Variants in PRDM4 observed in about 807,000 individuals in gnomAD.
The protein encoded by PRDM4 is PR domain zinc finger protein 4.
A neutral mutation model predicts 62.3 loss-of-function variants in PRDM4; 38 were observed. That is an observed-to-expected ratio of 0.61 (90% CI 0.47 to 0.80). PRDM4 has a LOEUF of 0.80. Among genes scored for constraint, PRDM4 ranks in the 30% least tolerant of loss-of-function variants. PRDM4 has a pLI of 0.00. For missense variants in PRDM4, 858 were observed against 997.1 expected (o/e 0.86, Z 1.88); for synonymous variants, 339 against 348.2 (o/e 0.97, Z 0.30).
At chr12:107,746,811 C>T (rs930752110) in intron 5 of PRDM4, among the ~76,000 whole-genome samples, 2 of 152,104 alleles carry the variant, frequency 1.3e-5, no homozygotes, top group Non-Finnish European at 2.9e-5. Context: ...ATGCTAATTA[C>T]TAAAATGTAT....
chr12:107,755,943 G>A (rs1891051927), intron 3 of PRDM4, among the ~76,000 whole-genome samples: 3 of 152,166 alleles, frequency 2.0e-5, no homozygotes, highest in Admixed American at 2.0e-4. Context: ...AAAATTAGTT[G>A]AGCATGGTGG....
chr12:107,746,198 T>C (rs1196355387), intron 6 of PRDM4, 77 bp downstream of exon 6: 1 of 1,532,858 alleles, frequency 6.5e-7, no homozygotes. Context: ...TACTAAATTA[T>C]ACACATCCAC....
chr12:107,744,129 A>C (rs932104568), intron 7 of PRDM4, among the ~76,000 whole-genome samples: 22 of 152,154 alleles, frequency 1.4e-4, no homozygotes, highest in African/African-American at 5.3e-4. Flanking sequence ...AGAAAAAAAA[A>C]GAAAACTAGA....
chr12:107,742,642 T>A (rs1890554628), intron 8 of PRDM4: 2 of 334,890 alleles, frequency 6.0e-6, no homozygotes, highest in Non-Finnish European at 1.1e-5. Context: ...GACAAAGACA[T>A]AGAGCTAGCT....
chr12:107,743,350 G>T, intron 7 of PRDM4, 68 bp from the exon 8 acceptor site: 2 of 1,139,502 alleles, frequency 1.8e-6, no homozygotes, highest in Non-Finnish European at 2.6e-6. Flanking sequence ...ATTACACTTA[G>T]GCCAGCAATC....
intron 6 of PRDM4, 31 bp from the exon 7 acceptor site, chr12:107,744,692 CAAT>C: frequency 6.2e-7 from 1 of 1,609,976 alleles, no homozygotes; most frequent in South Asian, 1.1e-5. Context: ...ACTACACAAT[CAAT>C]GATTTAAACA....
Position 107,756,889 on chromosome 12 carries a change from A to T in PRDM4, c.88T>A (p.Ser30Thr). Reference protein sequence around the residue: ...SSSVSNALPVSGSHLGLAASP... With the variant: ...SSSVSNALPVTGSHLGLAASP... The stretch of plus-strand genomic sequence containing the variant: ...GCAGCCAATCCCAGGTGACTTCCTG[A>T]GACTGGCAAGGCATTGCTCACAGAG... The change falls in exon 3 of 12, where the codon TCA becomes ACA. Residue 30 changes from serine to threonine, a missense_variant. Ser to Thr is a moderately conservative substitution (Grantham distance 58). This residue lies in a region of PRDM4 where 499 missense variants were observed against 546.7 expected (regional missense o/e 0.91). Coordinates refer to ENST00000228437, the MANE Select transcript of PRDM4 (RefSeq NM_012406.4). The T allele has an allele frequency of 6.2e-7, 1 of 1,614,120 alleles. No individual in the cohort carries two copies. Among genetic ancestry groups the T allele is most frequent in the East Asian group, 2.2e-5 (1 of 44,890 alleles).
At chr12:107,748,448 A>G (rs1212466946) in intron 5 of PRDM4, among the ~76,000 whole-genome samples, 1 of 152,260 alleles carries the variant, frequency 6.6e-6, no homozygotes, top group East Asian at 1.9e-4. Context: ...ATCAACTGAT[A>G]AATGGATAAA....
intron 4 of PRDM4, among the ~76,000 whole-genome samples, chr12:107,753,182 G>A (rs960591377): frequency 7.2e-5 from 11 of 152,012 alleles, no homozygotes; most frequent in Admixed American, 2.6e-4. Context: ...GACCAGCCTC[G>A]GCAACATGCC....
At chr12:107,737,416 G>A (rs780655060) in intron 11 of PRDM4, among the ~76,000 whole-genome samples, 2 of 152,144 alleles carry the variant, frequency 1.3e-5, no homozygotes, top group African/African-American at 2.4e-5. Flanking sequence ...CCAGCTTTAA[G>A]TTTTGACAGT....
intron 4 of PRDM4, 81 bp downstream of exon 4, chr12:107,753,843 G>A (rs1890977734): frequency 3.0e-6 from 4 of 1,317,120 alleles, no homozygotes; most frequent in Non-Finnish European, 4.2e-6. Context: ...AGAAAAAAGT[G>A]TTATTCATAT....
chr12:107,757,980 GCTCT>G (rs1044113555), intron 2 of PRDM4, among the ~76,000 whole-genome samples: 6 of 152,116 alleles, frequency 3.9e-5, no homozygotes, highest in East Asian at 3.9e-4. Context: ...CCCAAAAGGG[GCTCT>G]CTAATGACCT....
chr12:107,747,342 A>T (rs1360718962), intron 5 of PRDM4, among the ~76,000 whole-genome samples: 2 of 151,536 alleles, frequency 1.3e-5, no homozygotes, highest in Non-Finnish European at 2.9e-5. Flanking sequence ...GACCCCAGTG[A>T]CCTATGCTAT....
chr12:107,741,559 C>G (rs529766695), intron 9 of PRDM4, among the ~76,000 whole-genome samples: 1 of 151,528 alleles, frequency 6.6e-6, no homozygotes, highest in Non-Finnish European at 1.5e-5. Context: ...AAAAAAAAAA[C>G]TTAAAAATCA....
In PRDM4 at chr12:107,761,101, T is replaced by C. The variant is rs1891238768; in HGVS notation, c.-401A>G. 6.6e-6 allele frequency: 1 copy of C among 150,916 alleles called. No individual in the cohort carries two copies. Among genetic ancestry groups the C allele is most frequent in the African/African-American group, 2.4e-5 (1 of 41,132 alleles). The allele number at this position is 150,916 out of a possible 1,614,324, so 9.3% of individuals were successfully genotyped here. A position where few individuals can be genotyped will look rare whatever the true frequency, so the allele number is the denominator to read the frequency against. On this transcript the variant is annotated 5_prime_UTR_variant, in exon 1 of 12. Coordinates refer to ENST00000228437, the MANE Select transcript of PRDM4 (RefSeq NM_012406.4). ...AACGTTTCCCGTCCCGCCCGGCCCT[T>C]CCCGGCCCGCGGCCTCCTCTGGGCC...
At chr12:107,758,231 T>TA (rs1891120599) in intron 2 of PRDM4, 1 of 147,894 alleles carries the variant, frequency 6.8e-6, no homozygotes. Context: ...CTATCTCTCT[T>TA]AATCTTCTTT....
In PRDM4 at chr12:107,752,039, G is replaced by A. The variant is rs754771367; in HGVS notation, c.502C>T (p.Arg168Cys). Residue 168 changes from arginine (R) to cysteine (C), a missense_variant, in exon 5 of 12, where the codon CGC becomes TGC. Around this residue, in one of 3 missense-constraint regions of PRDM4, gnomAD observed 499 missense variants for 546.7 expected, o/e 0.91. Transcript: ENST00000228437. Reference protein sequence around the residue: ...LEPGIVSIDSRSVNTHGAQSL... With the variant: ...LEPGIVSIDSCSVNTHGAQSL... ...TGGGCACCATGTGTGTTCACAGAGC[G>A]AGAGTCTATTGAAACAATGCCTGGT... 3.1e-6 allele frequency: 5 copies of A among 1,614,136 alleles called. No individual in the cohort carries two copies. The highest frequency in any genetic ancestry group is 4.2e-6 in the Non-Finnish European group (5 of 1,179,980).
In PRDM4 at chr12:107,742,212, T is replaced by G; in HGVS notation, c.1609+9A>C. 6.2e-7 allele frequency: 1 copy of G among 1,611,202 alleles called. No individual in the cohort carries two copies. The highest frequency in any genetic ancestry group is 8.5e-7 in the Non-Finnish European group (1 of 1,178,528). On this transcript the variant is annotated intron_variant, in intron 9 of 11. Transcript: ENST00000228437. ...AAGCCAGATTCATTATAAACACATA[T>G]TAACTTACCAATCTGTTGAGCATAA... is the stretch of plus-strand genomic sequence containing the variant.
chr12:107,738,531 C>A lies in PRDM4; in HGVS notation c.2093+852G>T, dbSNP rs567450674. The stretch of plus-strand genomic sequence containing the variant: ...GAATTTCCATAACATAAGCTGAAAA[C>A]ATTTTCTTCCTCTTCTGACACTTGT... On this transcript the variant is annotated intron_variant, in intron 11 of 11. Coordinates refer to ENST00000228437, the MANE Select transcript of PRDM4 (RefSeq NM_012406.4). The A allele has an allele frequency of 6.6e-5, 10 of 152,256 alleles. No individual in the cohort carries two copies. The East Asian group carries it at 1.3e-3, about 21-fold the overall frequency. The allele number at this position is 152,256 out of a possible 1,614,324, so 9.4% of individuals were successfully genotyped here.
Sources: allele counts gnomAD v4.1 joint callset (sites outside exome capture counted in the v4.1 genomes callset), GRCh38; gene constraint gnomAD v4.1.1; regional missense constraint gnomAD v4.1.1; transcripts MANE v1.5; gene names NCBI Gene and HGNC (gene_info 2026-07-23, HGNC 2026-07-21).